The following NRG1 variants were observed in gnomAD, a reference collection of about 807,000 sequenced individuals.
NRG1 encodes the protein neuregulin 1, also known as pro-neuregulin-1, membrane-bound isoform.
Under a neutral mutation model 63.8 loss-of-function variants are expected in NRG1, and 18 were observed. The observed-to-expected ratio is 0.28, with a 90% CI of 0.19 to 0.42. The LOEUF (loss-of-function observed/expected upper bound fraction) is 0.42. Among genes scored for constraint, NRG1 ranks in the 10% least tolerant of loss-of-function variants. The pLI is 1.00. For missense variants in NRG1, 762 were observed against 814.7 expected, an observed-to-expected ratio of 0.94 and a Z score of 0.79; for synonymous variants, 302 against 301.3, an observed-to-expected ratio of 1.00 and a Z score of -0.02.
Position 32,189,670 on chromosome 8 carries a change from C to A in NRG1, c.38-406158C>A, listed in dbSNP as rs73675872. 4.1e-3 allele frequency among the ~76,000 whole-genome samples: 630 copies of A among 152,262 alleles called. 5 individuals are homozygous for A. The highest frequency in any genetic ancestry group is 0.014 in the African/African-American group (594 of 41,558). ...AAAGATACTAAATTTGATTTTATTT[C>A]TTTCCTCTTATACAATTTGGTGGCC... On this transcript the variant is annotated intron_variant, in intron 1 of 10. Coordinates refer to the NRG1 transcript ENST00000519301.
At chr8:31,915,374 C>T (rs1001473670) in intron 1 of NRG1, among the ~76,000 whole-genome samples, 1 of 152,106 alleles carries the variant, frequency 6.6e-6, no homozygotes, top group African/African-American at 2.4e-5. Context: ...CTCATGTCAG[C>T]TCTGGTACAT....
At chr8:32,191,233 C>T (rs1307238190) in intron 1 of NRG1, among the ~76,000 whole-genome samples, 1 of 152,034 alleles carries the variant, frequency 6.6e-6, no homozygotes, top group East Asian at 1.9e-4. Context: ...TACAGGCACC[C>T]ACCACCATGC....
chr8:31,886,438 C>G (rs1830721309), intron 1 of NRG1, among the ~76,000 whole-genome samples: 1 of 151,942 alleles, frequency 6.6e-6, no homozygotes, highest in Non-Finnish European at 1.5e-5. Context: ...AAAATAAATT[C>G]TTGTTCAATT....
intron 1 of NRG1, among the ~76,000 whole-genome samples, chr8:32,344,602 A>ATTTTTTTTTT (rs61448713): frequency 1.9e-3 from 188 of 101,156 alleles, no homozygotes; most frequent in African/African-American, 4.8e-3. Context: ...ACACTCAGCT[A>ATTTTTTTTTT]TTTTTTTTTT....
intron 1 of NRG1, among the ~76,000 whole-genome samples, chr8:31,908,582 G>A (rs988698912): frequency 1.3e-5 from 2 of 152,068 alleles, no homozygotes; most frequent in Non-Finnish European, 2.9e-5. Context: ...GAAAGGTTTT[G>A]GCAAATCCTT....
intron 1 of NRG1, among the ~76,000 whole-genome samples, chr8:32,311,587 CCT>C (rs1438825662): frequency 6.6e-6 from 1 of 152,102 alleles, no homozygotes; most frequent in Non-Finnish European, 1.5e-5. Context: ...AAATATAGGG[CCT>C]GAGGGTCACA....
At chr8:32,322,812 A>G (rs1433467257) in intron 1 of NRG1, among the ~76,000 whole-genome samples, 2 of 151,390 alleles carry the variant, frequency 1.3e-5, no homozygotes, top group African/African-American at 2.4e-5. Context: ...CAAAGAGTGA[A>G]TTTCTCTTAC....
intron 1 of NRG1, among the ~76,000 whole-genome samples, chr8:31,844,429 A>G (rs1270392600): frequency 6.6e-6 from 1 of 152,070 alleles, no homozygotes; most frequent in East Asian, 1.9e-4. Flanking sequence ...TAAAATTCCC[A>G]TTTCCATTTT....
chr8:31,659,582 G>A lies in NRG1; in HGVS notation c.37+20151G>A, dbSNP rs917033589. ...GCTTTTGGAGAGGGGAATTGAAATG[G>A]CCTTGTTGGCAGAATGACTCTGAAG... On this transcript the variant is annotated intron_variant, in intron 1 of 10. Coordinates refer to the NRG1 transcript ENST00000519301. 2.6e-5 allele frequency among the ~76,000 whole-genome samples: 4 copies of A among 152,086 alleles called. No homozygotes were observed. In the East Asian group the frequency reaches 7.8e-4, roughly 29 times the overall value.
chr8:32,029,670 A>T (rs949353072), intron 1 of NRG1, among the ~76,000 whole-genome samples: 2 of 152,252 alleles, frequency 1.3e-5, no homozygotes, highest in Non-Finnish European at 2.9e-5. Context: ...TTACTTTGTT[A>T]CTTAGGACTC....
chr8:32,382,466 C>T (rs1810475410), intron 1 of NRG1, among the ~76,000 whole-genome samples: 2 of 152,104 alleles, frequency 1.3e-5, no homozygotes, highest in Admixed American at 6.6e-5. Context: ...TGGAAATTCT[C>T]TAACTGGGAT....
At chr8:32,771,645 T>C (rs1167961709), downstream of NRG1, among the ~76,000 whole-genome samples, 1 of 146,986 alleles carries the variant, frequency 6.8e-6, no homozygotes, top group Non-Finnish European at 1.5e-5. Flanking sequence ...TGATCTTAGA[T>C]CGACAGTATA....
chr8:32,361,395 A>G (rs906316251), intron 1 of NRG1, among the ~76,000 whole-genome samples: 3 of 152,170 alleles, frequency 2.0e-5, no homozygotes, highest in African/African-American at 4.8e-5. Flanking sequence ...TGAACCAAAC[A>G]GAAGCCCTGT....
intron 1 of NRG1, among the ~76,000 whole-genome samples, chr8:32,394,720 C>G (rs1000864197): frequency 6.6e-6 from 1 of 152,186 alleles, no homozygotes; most frequent in Admixed American, 6.6e-5. Context: ...TCTTTGTTCT[C>G]CTTCTCCCCC....
At chr8:32,112,957 T>A (rs1435148964) in intron 1 of NRG1, among the ~76,000 whole-genome samples, 1 of 152,190 alleles carries the variant, frequency 6.6e-6, no homozygotes, top group Non-Finnish European at 1.5e-5. Context: ...AACAGCTTCA[T>A]AATTTGTAGG....
intron 1 of NRG1, among the ~76,000 whole-genome samples, chr8:31,708,717 T>C (rs964033548): frequency 2.6e-5 from 4 of 152,114 alleles, no homozygotes; most frequent in African/African-American, 7.2e-5. Context: ...AGTGCTGGGA[T>C]TACAGGCGTG....
intron 1 of NRG1, chr8:32,441,325 G>A (rs1819516590): frequency 6.6e-6 from 1 of 152,146 alleles, no homozygotes; most frequent in Non-Finnish European, 1.5e-5. Flanking sequence ...CAAGCTGCTG[G>A]AAGCACAGAC....
chr8:32,111,865 G>C (rs1832072921), intron 1 of NRG1, among the ~76,000 whole-genome samples: 1 of 152,100 alleles, frequency 6.6e-6, no homozygotes, highest in Non-Finnish European at 1.5e-5. Flanking sequence ...TTCCTTATCT[G>C]TCTGGAATTG....
intron 1 of NRG1, among the ~76,000 whole-genome samples, chr8:32,154,452 A>G (rs1015908143): frequency 2.7e-5 from 4 of 146,620 alleles, no homozygotes; most frequent in South Asian, 4.4e-4. Context: ...CCTTCCTGGC[A>G]CCCCCCAGCA....
Sources: gnomAD v4.1 joint callset for allele counts (sites outside exome capture counted in the v4.1 genomes callset) on GRCh38, gnomAD v4.1.1 for gene constraint, MANE v1.5 for transcripts, NCBI Gene and HGNC (gene_info 2026-07-23, HGNC 2026-07-21) for gene names.